Variants in MAT2B observed in about 807,000 individuals in gnomAD.
MAT2B encodes the protein methionine adenosyltransferase 2 subunit beta.
Under a neutral mutation model 36.1 loss-of-function variants are expected in MAT2B, and 16 were observed. The observed-to-expected ratio is 0.44, with a 90% confidence interval of 0.30 to 0.67. MAT2B has a LOEUF of 0.67. MAT2B is among the 30% of genes least tolerant of loss of function. The probability of loss-of-function intolerance (pLI) is 0.09; values close to 1 mark genes in which losing one functional copy is unlikely to be tolerated. For synonymous variants in MAT2B, 148 were observed against 136.9 expected (o/e 1.08, Z -0.57); for missense variants, 332 against 398.2 (o/e 0.83, Z 1.42).
At chr5:163,504,081 G>A (rs777444964), upstream of MAT2B, among the ~76,000 whole-genome samples, 13 of 152,148 alleles carry the variant, frequency 8.5e-5, no homozygotes, top group Non-Finnish European at 1.6e-4. Flanking sequence ...CCTGCTTCAC[G>A]TTGAAGAATG....
intron 2 of MAT2B, 23 bp from the exon 3 acceptor site, chr5:163,513,532 A>T (rs750880058): frequency 8.0e-5 from 110 of 1,373,660 alleles, no homozygotes; most frequent in Admixed American, 6.5e-4. Context: ...TGAGTTAAAA[A>T]TACGTCAATG....
intron 2 of MAT2B, chr5:163,513,285 A>G (rs10515862): frequency 0.034 from 10,020 of 295,730 alleles, 231 homozygotes; most frequent in East Asian, 0.08. Flanking sequence ...CCGTCACACC[A>G]GAGTAGAAAT....
chr5:163,507,225 C>G (rs1301162762), intron 1 of MAT2B, among the ~76,000 whole-genome samples: 1 of 152,178 alleles, frequency 6.6e-6, no homozygotes, highest in Non-Finnish European at 1.5e-5. Flanking sequence ...CTTTACTTTT[C>G]TAGAACATTT....
Position 163,513,561 on chromosome 5 carries a change from G to A in MAT2B, c.265G>A (p.Val89Ile). The change falls in exon 3 of 7, where the codon GTT (valine) becomes ATT (isoleucine). Residue 89 changes from valine (V) to isoleucine (I), a missense_variant. By Grantham distance (29) the Val-to-Ile change is conservative. Transcript: ENST00000321757. ...HHIIHDFQPHVIVHCAAERRP... is the reference protein window; with the variant it reads ...HHIIHDFQPHIIVHCAAERRP... ...GTCAATGCTTAACTTCTAGCCCCAT[G>A]TTATAGTACATTGTGCAGCAGAGAG... 1.3e-6 allele frequency: 2 copies of A among 1,594,970 alleles called. No homozygotes were observed. The highest frequency in any genetic ancestry group is 1.3e-5 in the African/African-American group (1 of 74,584).
At chr5:163,504,901 T>C (rs1344144127), upstream of MAT2B, among the ~76,000 whole-genome samples, 1 of 152,212 alleles carries the variant, frequency 6.6e-6, no homozygotes, top group Non-Finnish European at 1.5e-5. Flanking sequence ...TGGGCTTGAT[T>C]CTGGTTAAAC....
intron 3 of MAT2B, 80 bp downstream of exon 3, chr5:163,513,749 A>G (rs1441645058): frequency 6.6e-7 from 1 of 1,504,338 alleles, no homozygotes; most frequent in Non-Finnish European, 9.2e-7. Context: ...GTAGATGGTT[A>G]TTTGTTTTTA....
At chr5:163,514,255 C>T (rs1295909595) in intron 4 of MAT2B, among the ~76,000 whole-genome samples, 1 of 152,040 alleles carries the variant, frequency 6.6e-6, no homozygotes, top group Non-Finnish European at 1.5e-5. Context: ...TTTTGTAACT[C>T]ATTTTCAAAA....
intron 1 of MAT2B, among the ~76,000 whole-genome samples, chr5:163,508,992 C>G (rs114961124): frequency 0.024 from 3,600 of 152,210 alleles, 53 homozygotes; most frequent in Non-Finnish European, 0.033. Context: ...TCATACAACT[C>G]CACTTCCTTT....
rs150850594 is a variant in MAT2B, at chr5:163,513,953, C to T, written c.485C>T (p.Thr162Ile). ...GCTCCCCTAAATTTGTATGGCAAAACAAAATTAGATGGAGAAAAGGCTGTC... is the reference window on the plus strand; with the variant it reads ...GCTCCCCTAAATTTGTATGGCAAAATAAAATTAGATGGAGAAAAGGCTGTC... Reference protein sequence around the residue: ...IPAPLNLYGKTKLDGEKAVLE... With the variant: ...IPAPLNLYGKIKLDGEKAVLE... The change falls in exon 4 of 7, where the codon ACA becomes ATA. Residue 162 changes from threonine to isoleucine, a missense_variant. Transcript: ENST00000321757. 1.2e-6 allele frequency: 2 copies of T among 1,613,404 alleles called. No individual in the cohort carries two copies. The highest frequency in any genetic ancestry group is 1.7e-5 in the Admixed American group (1 of 59,948).
chr5:163,514,001 C>G lies in MAT2B; in HGVS notation c.526+7C>G. The stretch of plus-strand genomic sequence containing the variant: ...GTCCTGGAGAACAATCTAGGTAAGA[C>G]CTAATCTATTTAGCCCCTGATTGTT... On this transcript the variant is annotated splice_region_variant and intron_variant, in intron 4 of 6. Coordinates refer to ENST00000321757, the MANE Select transcript of MAT2B (RefSeq NM_013283.5). The G allele has an allele frequency of 6.2e-7, 1 of 1,607,334 alleles. No homozygotes were observed. Among genetic ancestry groups the G allele is most frequent in the Non-Finnish European group, 8.5e-7 (1 of 1,177,648 alleles).
rs375653229 is a variant in MAT2B at position 163,511,957 on chromosome 5, T to A, written c.64-45T>A. Reference sequence around the variant, plus strand: ...TGGTGCCTAATATATTTGAGAGAACTGTTTTCAAAGTTAGTAACTCTTTCT... The same window carrying A: ...TGGTGCCTAATATATTTGAGAGAACAGTTTTCAAAGTTAGTAACTCTTTCT... On this transcript the variant is annotated intron_variant, in intron 1 of 6. Coordinates refer to ENST00000321757, the MANE Select transcript of MAT2B (RefSeq NM_013283.5). 4 of 1,421,224 alleles carry A rather than the reference T, an allele frequency of 2.8e-6. No individual in the cohort carries two copies. In the African/African-American group the frequency reaches 5.7e-5, roughly 20 times the overall value. The allele number at this position is 1,421,224 out of a possible 1,614,324, so 88.0% of individuals were successfully genotyped here.
In MAT2B at chr5:163,518,389, T is replaced by G. The variant is rs749988899; in HGVS notation, c.*26T>G. The G allele has an allele frequency of 3.3e-5, 52 of 1,576,148 alleles. No homozygotes were observed. The highest frequency in any genetic ancestry group is 4.3e-5 in the Non-Finnish European group (50 of 1,166,618). On this transcript the variant is annotated 3_prime_UTR_variant, in exon 7 of 7. Transcript: ENST00000321757. ...TTTATTTGTGTTGGGTTCTTTTTTTTTTTTAAATGAAAAGTATAGTATGTG... is the reference window on the plus strand; with the variant it reads ...TTTATTTGTGTTGGGTTCTTTTTTTGTTTTAAATGAAAAGTATAGTATGTG...
intron 1 of MAT2B, among the ~76,000 whole-genome samples, chr5:163,508,840 T>C (rs974200248): frequency 3.3e-5 from 5 of 152,044 alleles, no homozygotes; most frequent in Non-Finnish European, 7.4e-5. Context: ...TTATTAAGAG[T>C]GACGATCTGA....
upstream of MAT2B, among the ~76,000 whole-genome samples, chr5:163,505,258 C>T (rs964675366): frequency 6.6e-6 from 1 of 151,922 alleles, no homozygotes; most frequent in African/African-American, 2.4e-5. Context: ...CTTTTTATTC[C>T]ACTTTTTATA....
Position 163,517,684 on chromosome 5 carries a change from T to C in MAT2B, c.834+10T>C, listed in dbSNP as rs1760154708. Reference sequence around the variant, plus strand: ...CAGTCACTTAAGACCTGTAAGTACATGGCTGTAAAAACCTTTAGATCCATT... The same window carrying C: ...CAGTCACTTAAGACCTGTAAGTACACGGCTGTAAAAACCTTTAGATCCATT... On this transcript the variant is annotated intron_variant, in intron 6 of 6. Transcript: ENST00000321757. The C allele has an allele frequency of 1.9e-6, 3 of 1,563,454 alleles. No homozygotes were observed. The South Asian group carries it at 3.3e-5, about 17-fold the overall frequency.
At position 163,513,513 on chromosome 5, in the gene MAT2B, A is replaced by G. The variant is rs754288513; in HGVS notation, c.259-42A>G. On this transcript the variant is annotated intron_variant, in intron 2 of 6. Coordinates refer to ENST00000321757, the MANE Select transcript of MAT2B (RefSeq NM_013283.5). The stretch of plus-strand genomic sequence containing the variant: ...TTAAGAAGGCTGTAATACCTCTTTC[A>G]TTTTATTTTGAGTTAAAAATACGTC... 2.9e-5 allele frequency: 35 copies of G among 1,191,324 alleles called. No individual in the cohort carries two copies. The Admixed American group carries it at 6.4e-4, about 22-fold the overall frequency. The allele number at this position is 1,191,324 out of a possible 1,614,324, so 73.8% of individuals were successfully genotyped here.
chr5:163,518,839 G>C lies in MAT2B; in HGVS notation c.*476G>C, dbSNP rs1034516528. On this transcript the variant is annotated 3_prime_UTR_variant, in exon 7 of 7. Coordinates refer to ENST00000321757, the MANE Select transcript of MAT2B (RefSeq NM_013283.5). ...GTTTGAAGAAAGGAACTTTATTTTT[G>C]CAAGTTACGTACAGTTTTTATGCTT... is the stretch of plus-strand genomic sequence containing the variant. The C allele has an allele frequency of 6.6e-6, 1 of 152,592 alleles. No homozygotes were observed. Among genetic ancestry groups the C allele is most frequent in the African/African-American group, 2.4e-5 (1 of 41,410 alleles). The allele number at this position is 152,592 out of a possible 1,614,324, so 9.5% of individuals were successfully genotyped here.
At chr5:163,511,681 T>TA (rs1227866979) in intron 1 of MAT2B, among the ~76,000 whole-genome samples, 1 of 152,048 alleles carries the variant, frequency 6.6e-6, no homozygotes, top group Non-Finnish European at 1.5e-5. Context: ...CTGCTTTTTT[T>TA]ATTTTAAAAA....
At chr5:163,511,401 C>T (rs1049325024) in intron 1 of MAT2B, among the ~76,000 whole-genome samples, 6 of 148,516 alleles carry the variant, frequency 4.0e-5, no homozygotes, top group Admixed American at 3.4e-4. Context: ...GTAGCTAGGA[C>T]TACAGGCATG....
Sources: allele counts gnomAD v4.1 joint callset (sites outside exome capture counted in the v4.1 genomes callset), GRCh38; gene constraint gnomAD v4.1.1; transcripts MANE v1.5; gene names NCBI Gene and HGNC (gene_info 2026-07-23, HGNC 2026-07-21).